Variants in PITPNC1 observed in about 807,000 individuals in gnomAD.
PITPNC1 encodes the protein cytoplasmic phosphatidylinositol transfer protein 1.
In PITPNC1, 18 loss-of-function variants were observed where a neutral mutation model predicts 44.7. That is an observed-to-expected ratio of 0.40 (90% CI 0.28 to 0.60). PITPNC1 has a LOEUF of 0.60. PITPNC1 is among the 20% of genes least tolerant of loss of function. PITPNC1 has a pLI of 0.39. For missense variants in PITPNC1, 290 were observed against 418.4 expected (o/e 0.69, Z 2.68); for synonymous variants, 141 against 149.6 (o/e 0.94, Z 0.42).
At chr17:67,630,183 C>A (rs558194339) in intron 5 of PITPNC1, among the ~76,000 whole-genome samples, 1 of 152,142 alleles carries the variant, frequency 6.6e-6, no homozygotes, top group East Asian at 1.9e-4. Flanking sequence ...TATCAACCAC[C>A]CTGTTCTTCC....
intron 1 of PITPNC1, among the ~76,000 whole-genome samples, chr17:67,452,641 C>T (rs906712913): frequency 2.0e-5 from 3 of 151,418 alleles, no homozygotes; most frequent in African/African-American, 2.4e-5. Flanking sequence ...TACAGGCGTG[C>T]GCCACCACGC....
At chr17:67,396,377 T>C (rs2038220218) in intron 1 of PITPNC1, among the ~76,000 whole-genome samples, 1 of 152,220 alleles carries the variant, frequency 6.6e-6, no homozygotes, top group Non-Finnish European at 1.5e-5. Context: ...TTTTTCTTTC[T>C]TTCTTTATTT....
At chr17:67,441,842 T>A (rs2039016966) in intron 1 of PITPNC1, among the ~76,000 whole-genome samples, 1 of 152,146 alleles carries the variant, frequency 6.6e-6, no homozygotes, top group African/African-American at 2.4e-5. Flanking sequence ...CACGCCTGGC[T>A]TCAGTCATGT....
chr17:67,518,408 C>T (rs1018547566), intron 1 of PITPNC1, among the ~76,000 whole-genome samples: 17 of 151,726 alleles, frequency 1.1e-4, no homozygotes, highest in African/African-American at 3.6e-4. Flanking sequence ...AATTAACCAT[C>T]TTAGTTTATC....
At chr17:67,557,889 G>A (rs914594337) in intron 4 of PITPNC1, among the ~76,000 whole-genome samples, 2 of 152,190 alleles carry the variant, frequency 1.3e-5, no homozygotes, top group Non-Finnish European at 2.9e-5. Flanking sequence ...CATAGTTCCT[G>A]TTCGGTGCCT....
chr17:67,491,520 C>T (rs940661770), intron 1 of PITPNC1, among the ~76,000 whole-genome samples: 7 of 152,160 alleles, frequency 4.6e-5, no homozygotes, highest in East Asian at 3.9e-4. Context: ...AGCACACGCA[C>T]GCTGATGGTC....
intron 8 of PITPNC1, chr17:67,687,202 A>T: frequency 7.6e-7 from 1 of 1,316,474 alleles, no homozygotes; most frequent in Non-Finnish European, 1.1e-6. Flanking sequence ...GAATTTTTAA[A>T]ACATGTTGCC....
chr17:67,655,686 C>A (rs767348082), intron 6 of PITPNC1, among the ~76,000 whole-genome samples: 2 of 152,080 alleles, frequency 1.3e-5, no homozygotes, highest in Non-Finnish European at 2.9e-5. Flanking sequence ...ATAATCCCAG[C>A]CCTTTGAGAG....
chr17:67,687,350 C>T (rs1276131408), intron 8 of PITPNC1, among the ~76,000 whole-genome samples: 1 of 152,148 alleles, frequency 6.6e-6, no homozygotes, highest in Non-Finnish European at 1.5e-5. Context: ...GGCAGTGTCA[C>T]CTCTCTCTTC....
chr17:67,508,972 G>A lies in PITPNC1; in HGVS notation c.49-23830G>A, dbSNP rs1457135661. Among the ~76,000 whole-genome samples the A allele has an allele frequency of 1.3e-5, 2 of 152,182 alleles. No homozygotes were observed. The highest frequency in any genetic ancestry group is 4.8e-5 in the African/African-American group (2 of 41,442). On this transcript the variant is annotated intron_variant, in intron 1 of 8. Coordinates refer to ENST00000581322, the MANE Select transcript of PITPNC1 (RefSeq NM_012417.4). This position sits in a 1 kb window ranked among gnomAD's most constrained non-coding sequence, Gnocchi z 4.2. ...AAACAGGCCGGGCTTGGTGGCTCAC[G>A]TCTGTAATCCCAGCACTTTGGGAGG...
At chr17:67,644,356 C>G (rs1187714494) in intron 6 of PITPNC1, among the ~76,000 whole-genome samples, 1 of 151,816 alleles carries the variant, frequency 6.6e-6, no homozygotes, top group Non-Finnish European at 1.5e-5. Flanking sequence ...GCCCAAGGCT[C>G]TCAGCCAGGA....
At chr17:67,426,600 G>A (rs1446927985) in intron 1 of PITPNC1, among the ~76,000 whole-genome samples, 1 of 151,584 alleles carries the variant, frequency 6.6e-6, no homozygotes, top group Non-Finnish European at 1.5e-5. Context: ...ACACACCGGG[G>A]CCTGTTGGAG....
chr17:67,684,161 G>T (rs985774653), intron 8 of PITPNC1, among the ~76,000 whole-genome samples: 3 of 143,518 alleles, frequency 2.1e-5, no homozygotes, highest in African/African-American at 5.2e-5. Flanking sequence ...GCCCAGGCTG[G>T]AGTGCAGTGA....
chr17:67,568,425 C>G (rs59417692), intron 4 of PITPNC1, among the ~76,000 whole-genome samples: 3 of 152,134 alleles, frequency 2.0e-5, no homozygotes, highest in African/African-American at 7.2e-5. Flanking sequence ...TTAGATTGTC[C>G]TAATGGTTGT....
At chr17:67,580,523 T>TA (rs1568050321) in intron 5 of PITPNC1, among the ~76,000 whole-genome samples, 3 of 152,090 alleles carry the variant, frequency 2.0e-5, no homozygotes, top group Non-Finnish European at 4.4e-5. Context: ...GTGTTTTTTT[T>TA]AGAGACGTGG....
chr17:67,628,471 G>C (rs2041922966), intron 5 of PITPNC1, among the ~76,000 whole-genome samples: 1 of 152,150 alleles, frequency 6.6e-6, no homozygotes, highest in Non-Finnish European at 1.5e-5. Context: ...AGGATGTAAA[G>C]GGAACTCCAA....
intron 5 of PITPNC1, among the ~76,000 whole-genome samples, chr17:67,584,775 T>C (rs921701845): frequency 1.3e-5 from 2 of 152,158 alleles, no homozygotes; most frequent in African/African-American, 4.8e-5. Context: ...GCACCTACTA[T>C]GTCCCAGGCA....
rs1419054559 is a variant in PITPNC1, at chr17:67,508,222, C to T, written c.49-24580C>T. ...ATCTCAAGGAAGAAAGAATTCAGGTCGAGTCTACAAAGTGAAAGCAAGTTT... is the reference window on the plus strand; with the variant it reads ...ATCTCAAGGAAGAAAGAATTCAGGTTGAGTCTACAAAGTGAAAGCAAGTTT... On this transcript the variant is annotated intron_variant, in intron 1 of 8. Transcript: ENST00000581322. This position sits in a 1 kb window ranked among gnomAD's most constrained non-coding sequence, Gnocchi z 4.2. Among the ~76,000 whole-genome samples the T allele has an allele frequency of 6.6e-6, 1 of 152,050 alleles. No homozygotes were observed. Among genetic ancestry groups the T allele is most frequent in the Non-Finnish European group, 1.5e-5 (1 of 68,024 alleles).
At chr17:67,656,779 A>G (rs976270315) in intron 6 of PITPNC1, among the ~76,000 whole-genome samples, 9 of 152,188 alleles carry the variant, frequency 5.9e-5, no homozygotes, top group Non-Finnish European at 8.8e-5. Flanking sequence ...CTCTTTTTAA[A>G]ATAAGGAAAC....
Sources: allele counts gnomAD v4.1 joint callset (sites outside exome capture counted in the v4.1 genomes callset), GRCh38; gene constraint gnomAD v4.1.1; non-coding constraint Gnocchi (gnomAD v3.1); transcripts MANE v1.5; gene names NCBI Gene and HGNC (gene_info 2026-07-23, HGNC 2026-07-21).